Variants in FBXL13 observed in about 807,000 individuals in gnomAD.
The protein encoded by FBXL13 is F-box and leucine-rich repeat protein 13.
A neutral mutation model predicts 83.6 loss-of-function variants in FBXL13; 67 were observed. That is an observed-to-expected ratio of 0.80 (90% CI 0.66 to 0.98). The LOEUF is 0.98. Ranked by LOEUF, FBXL13 falls within the 50% of genes least tolerant of loss-of-function variation. The pLI is 0.00. For missense variants in FBXL13, 822 were observed against 866.5 expected, an observed-to-expected ratio of 0.95 and a Z score of 0.64; for synonymous variants, 272 against 299.5, an observed-to-expected ratio of 0.91 and a Z score of 0.95.
intron 2 of FBXL13, among the ~76,000 whole-genome samples, chr7:103,046,615 A>G (rs1169200556): frequency 6.6e-6 from 1 of 152,236 alleles, no homozygotes; most frequent in Non-Finnish European, 1.5e-5. Context: ...CTTCACGAAT[A>G]AAAGTATACC....
chr7:102,975,518 G>A (rs986845170), intron 6 of FBXL13, among the ~76,000 whole-genome samples: 5 of 152,140 alleles, frequency 3.3e-5, no homozygotes, highest in African/African-American at 1.2e-4. Flanking sequence ...CGCTGCTGTC[G>A]AGACCACATG....
At chr7:102,854,132 CAAT>C (rs1260668969) in intron 17 of FBXL13, among the ~76,000 whole-genome samples, 2 of 151,890 alleles carry the variant, frequency 1.3e-5, no homozygotes, top group African/African-American at 4.8e-5. Flanking sequence ...AAATGTCCAA[CAAT>C]GATAGACTGG....
intron 3 of FBXL13, 33 bp from the exon 5 acceptor site, chr7:103,028,781 ATT>A (rs1794205554): frequency 6.6e-7 from 1 of 1,504,016 alleles, no homozygotes; most frequent in South Asian, 1.4e-5. Context: ...AAAAAATAAT[ATT>A]TTGATATTAG....
At chr7:103,036,055 T>G (rs561496195) in intron 2 of FBXL13, among the ~76,000 whole-genome samples, 22 of 152,292 alleles carry the variant, frequency 1.4e-4, no homozygotes, top group African/African-American at 5.3e-4. Context: ...CAGCATTAGA[T>G]TCTCATGGGA....
At chr7:102,997,941 A>G (rs1397777218) in intron 6 of FBXL13, among the ~76,000 whole-genome samples, 1 of 152,134 alleles carries the variant, frequency 6.6e-6, no homozygotes, top group Non-Finnish European at 1.5e-5. Context: ...CAGCAGTGAG[A>G]TTGCTGGATC....
chr7:102,922,260 T>C (rs1817199788), intron 10 of FBXL13, among the ~76,000 whole-genome samples: 1 of 151,660 alleles, frequency 6.6e-6, no homozygotes. Flanking sequence ...AAATATAGAA[T>C]AGTTGGTTTA....
At chr7:103,040,159 G>C (rs1482786226) in intron 2 of FBXL13, among the ~76,000 whole-genome samples, 1 of 151,912 alleles carries the variant, frequency 6.6e-6, no homozygotes, top group Non-Finnish European at 1.5e-5. Context: ...GCAAAAAAAA[G>C]CAGGGGTTGC....
In FBXL13 at chr7:102,822,210, A is replaced by AGCTGGGAG; in HGVS notation, c.1855-8_1855-7insCTCCCAGC. The AGCTGGGAG allele has an allele frequency of 6.2e-7, 1 of 1,613,850 alleles. No homozygotes were observed. Among genetic ancestry groups the AGCTGGGAG allele is most frequent in the South Asian group, 1.1e-5 (1 of 91,084 alleles). ...CCATTGCTGAGTCAGTAATCTGAAC[A>AGCTGGGAG]CAGAGCCAAAGTAAGTACTGGTTAT... On this transcript the variant is annotated splice_polypyrimidine_tract_variant and splice_region_variant and intron_variant, in intron 18 of 19. Transcript: ENST00000313221.
At chr7:103,043,758 C>A (rs1487426142) in intron 2 of FBXL13, among the ~76,000 whole-genome samples, 2 of 152,210 alleles carry the variant, frequency 1.3e-5, no homozygotes, top group Non-Finnish European at 2.9e-5. Context: ...AGGTGATCCA[C>A]CTGCCTTGGC....
chr7:102,926,942 A>G (rs1168397122), intron 9 of FBXL13, among the ~76,000 whole-genome samples: 1 of 152,182 alleles, frequency 6.6e-6, no homozygotes, highest in Admixed American at 6.5e-5. Context: ...GATGGCTAAA[A>G]TAAAATAGAG....
downstream of FBXL13, among the ~76,000 whole-genome samples, chr7:102,811,939 C>CTAA (rs142812749): frequency 2.2e-4 from 33 of 152,236 alleles, no homozygotes; most frequent in African/African-American, 7.5e-4. Context: ...AAGCATTTAG[C>CTAA]TAATACAAGG....
chr7:102,883,427 G>A, exon 14 of FBXL13: 2 of 1,613,160 alleles, frequency 1.2e-6, no homozygotes, highest in Non-Finnish European at 1.7e-6. Flanking sequence ...GATAATTCTT[G>A]TCTATAAATT....
intron 10 of FBXL13, among the ~76,000 whole-genome samples, chr7:102,915,333 A>G (rs576141640): frequency 5.3e-5 from 8 of 152,254 alleles, no homozygotes; most frequent in African/African-American, 1.7e-4. Flanking sequence ...ATTTAAAACT[A>G]TATGTAATAT....
intron 18 of FBXL13, among the ~76,000 whole-genome samples, chr7:102,826,252 G>A (rs1799603924): frequency 6.6e-6 from 1 of 152,050 alleles, no homozygotes; most frequent in African/African-American, 2.4e-5. Flanking sequence ...AGCAAGAAAG[G>A]GGCTGAATAG....
At position 103,001,497 on chromosome 7, in the gene FBXL13, T is replaced by C. The variant is rs546415519; in HGVS notation, c.495+23566A>G. Among the ~76,000 whole-genome samples, 5 of 152,312 alleles carry C rather than the reference T, an allele frequency of 3.3e-5. No homozygotes were observed. In the East Asian group the frequency reaches 9.6e-4, roughly 29 times the overall value. On this transcript the variant is annotated intron_variant, in intron 6 of 19. Coordinates refer to ENST00000313221, the Ensembl canonical transcript of FBXL13. ...GGATGCCTAGACGACTGGTAAAGTA[T>C]TGTTTCTAATTGTGTTTGTGAGAGT... is the stretch of plus-strand genomic sequence containing the variant.
chr7:103,005,547 G>T (rs1036537153), intron 6 of FBXL13, among the ~76,000 whole-genome samples: 1 of 152,136 alleles, frequency 6.6e-6, no homozygotes, highest in Non-Finnish European at 1.5e-5. Flanking sequence ...AAGCTATGAA[G>T]TCCAAAATAA....
At chr7:103,050,818 C>T (rs776498072) in intron 2 of FBXL13, among the ~76,000 whole-genome samples, 5 of 152,198 alleles carry the variant, frequency 3.3e-5, no homozygotes, top group Non-Finnish European at 5.9e-5. Flanking sequence ...TCCCATGGTC[C>T]TGTACATGCC....
chr7:102,846,899 G>A (rs547990753), intron 17 of FBXL13, among the ~76,000 whole-genome samples: 12 of 152,222 alleles, frequency 7.9e-5, no homozygotes, highest in African/African-American at 2.9e-4. Context: ...GACGGTGGCT[G>A]TCTGCCTGCC....
At chr7:103,010,385 A>G (rs1311994947) in intron 6 of FBXL13, among the ~76,000 whole-genome samples, 1 of 151,538 alleles carries the variant, frequency 6.6e-6, no homozygotes, top group Non-Finnish European at 1.5e-5. Flanking sequence ...TACAGCCTAC[A>G]GACCAGCAGT....
Sources: allele counts gnomAD v4.1 joint callset (sites outside exome capture counted in the v4.1 genomes callset), GRCh38; gene constraint gnomAD v4.1.1; transcripts MANE v1.5; gene names NCBI Gene and HGNC (gene_info 2026-07-23, HGNC 2026-07-21).